Variants in SYCP1 observed in about 807,000 individuals in gnomAD.
SYCP1 encodes the protein cancer/testis antigen 8.
SYCP1 carries 64 observed loss-of-function variants against 153.1 expected under a neutral mutation model. That is an observed-to-expected ratio of 0.42 (90% confidence interval 0.34 to 0.51). The LOEUF is 0.51. Ranked by LOEUF, SYCP1 falls within the 20% of genes least tolerant of loss-of-function variation. The pLI is 0.06. For synonymous variants in SYCP1, 384 were observed against 341.8 expected (o/e 1.12, Z -1.36); for missense variants, 997 against 1,049.0 (o/e 0.95, Z 0.68).
intron 8 of SYCP1, among the ~76,000 whole-genome samples, chr1:114,865,291 T>C (rs1262617575): frequency 1.3e-5 from 2 of 152,184 alleles, no homozygotes; most frequent in Non-Finnish European, 2.9e-5. Context: ...TAATTAATAA[T>C]TTGAGACTTA....
At chr1:114,935,992 A>T (rs1240273001) in intron 23 of SYCP1, among the ~76,000 whole-genome samples, 1 of 152,202 alleles carries the variant, frequency 6.6e-6, no homozygotes, top group Non-Finnish European at 1.5e-5. Context: ...AGCTGGTACC[A>T]TTCCTTCTGA....
rs201359159 is a variant in SYCP1, at chr1:114,913,072, T to A, written c.1569T>A (p.Leu523=). ...NTELTSHCNK[L]SLENKELTQE... ...AATTAACTTCACACTGCAACAAGCT[T>A]TCACTAGAAAACAAAGAGCTCACAC... The change falls in exon 19 of 32, where the codon CTT becomes CTA. Residue 523 remains leucine (L), a synonymous_variant. Coordinates refer to ENST00000369522, the MANE Select transcript of SYCP1 (RefSeq NM_003176.4). 43 of 1,612,296 alleles carry A rather than the reference T, an allele frequency of 2.7e-5. No individual in the cohort carries two copies. The highest frequency in any genetic ancestry group is 2.5e-6 in the Non-Finnish European group (3 of 1,178,958).
chr1:114,855,253 C>T, intron 1 of SYCP1, 188 bp from the exon 2 acceptor site: 1 of 316,294 alleles, frequency 3.2e-6, no homozygotes, highest in East Asian at 5.5e-5. Flanking sequence ...GAGAAGGAAA[C>T]GAGGGTTTAT....
In SYCP1 at chr1:114,872,006, C is replaced by CTT. The variant is rs71582510; in HGVS notation, c.599-2486_599-2485dup. On this transcript the variant is annotated intron_variant, in intron 8 of 31. Coordinates refer to ENST00000369522, the MANE Select transcript of SYCP1 (RefSeq NM_003176.4). ...GATGCTCTTTTTTTTCTTTCTTTTTCTTTTTTTTTTTTTTTGGCAGAGATG... is the reference window on the plus strand; with the variant it reads ...GATGCTCTTTTTTTTCTTTCTTTTTCTTTTTTTTTTTTTTTTTGGCAGAGATG... Among the ~76,000 whole-genome samples the CTT allele has an allele frequency of 8.3e-4, 106 of 127,160 alleles. 1 individual carries two copies. Among genetic ancestry groups the CTT allele is most frequent in the Non-Finnish European group, 1.4e-3 (87 of 60,504 alleles). 83.4% of individuals were successfully genotyped at this position (127,160 alleles called of 152,430 possible).
At chr1:114,906,837 G>C (rs530639027) in intron 16 of SYCP1, among the ~76,000 whole-genome samples, 3 of 152,132 alleles carry the variant, frequency 2.0e-5, no homozygotes, top group Non-Finnish European at 4.4e-5. Context: ...TTCTGTAATT[G>C]TCAATTAGGC....
At chr1:114,981,595 C>T (rs12026343) in intron 29 of SYCP1, 83 bp downstream of exon 29, 554,177 of 1,225,740 alleles carry the variant, frequency 0.45, 128,253 homozygotes, top group Middle Eastern at 0.48. Context: ...TCTGGCATCA[C>T]GCACACATAT....
intron 30 of SYCP1, among the ~76,000 whole-genome samples, chr1:114,992,296 T>C (rs1043854910): frequency 4.0e-5 from 6 of 151,524 alleles, no homozygotes; most frequent in Admixed American, 2.0e-4. Flanking sequence ...ATGGAAAAAA[T>C]ACTCAAATTA....
At chr1:114,926,725 C>T (rs1241282975) in intron 23 of SYCP1, among the ~76,000 whole-genome samples, 162 bp downstream of exon 23, 1 of 151,946 alleles carries the variant, frequency 6.6e-6, no homozygotes, top group Non-Finnish European at 1.5e-5. Context: ...GAGATCAACT[C>T]TTTTAGTTGT....
At chr1:114,962,182 G>T (rs549444894) in intron 27 of SYCP1, among the ~76,000 whole-genome samples, 2 of 151,612 alleles carry the variant, frequency 1.3e-5, no homozygotes, top group African/African-American at 2.4e-5. Context: ...ACAGGGTTTC[G>T]CTGTGTTGGC....
At chr1:114,886,429 G>C in intron 14 of SYCP1, 120 bp downstream of exon 14, 1 of 826,758 alleles carries the variant, frequency 1.2e-6, no homozygotes, top group Non-Finnish European at 1.7e-6. Flanking sequence ...AACAACTGTA[G>C]TCAGGTCTCA....
intron 30 of SYCP1, among the ~76,000 whole-genome samples, chr1:114,992,949 A>C (rs1197807037): frequency 1.3e-5 from 2 of 151,476 alleles, no homozygotes; most frequent in African/African-American, 4.8e-5. Context: ...AAAAAGTCCC[A>C]ATTGAAAAGT....
At chr1:114,910,599 A>G in intron 17 of SYCP1, 98 bp downstream of exon 17, 1 of 758,878 alleles carries the variant, frequency 1.3e-6, no homozygotes, top group South Asian at 2.9e-5. Flanking sequence ...AGATTTCTTC[A>G]CAAAATTCCT....
Position 114,877,803 on chromosome 1 carries a change from A to G in SYCP1, c.802-291A>G, listed in dbSNP as rs112372811. On this transcript the variant is annotated intron_variant, in intron 11 of 31. Transcript: ENST00000369522. Reference sequence around the variant, plus strand: ...TAGCAAAGACAGACTGAATCTTACCATTATGTATGTTGACTTTTCCATTAT... The same window carrying G: ...TAGCAAAGACAGACTGAATCTTACCGTTATGTATGTTGACTTTTCCATTAT... Among the ~76,000 whole-genome samples, 472 of 152,306 alleles carry G rather than the reference A, an allele frequency of 3.1e-3. 1 individual carries two copies. The highest frequency in any genetic ancestry group is 5.9e-3 in the Non-Finnish European group (398 of 68,020).
At chr1:114,909,710 A>G (rs1668058483) in intron 16 of SYCP1, among the ~76,000 whole-genome samples, 1 of 152,166 alleles carries the variant, frequency 6.6e-6, no homozygotes, top group Admixed American at 6.6e-5. Context: ...TAAAGAATGA[A>G]AATATATTTT....
intron 21 of SYCP1, among the ~76,000 whole-genome samples, chr1:114,924,787 TG>T (rs1332771410): frequency 6.6e-6 from 1 of 151,534 alleles, no homozygotes; most frequent in Non-Finnish European, 1.5e-5. Flanking sequence ...GAGATGAAGG[TG>T]GGGAAAAATG....
At chr1:114,976,934 C>A (rs1466023492) in intron 27 of SYCP1, among the ~76,000 whole-genome samples, 2 of 151,646 alleles carry the variant, frequency 1.3e-5, no homozygotes, top group Non-Finnish European at 3.0e-5. Flanking sequence ...CTCTAATACT[C>A]CCTGGAGTTG....
At chr1:114,970,511 G>GT (rs566449119) in intron 27 of SYCP1, among the ~76,000 whole-genome samples, 11,417 of 142,836 alleles carry the variant, frequency 0.08, 433 homozygotes, top group Middle Eastern at 0.14. Context: ...TACCAGAATT[G>GT]TTTTTTTTTT....
Position 114,944,455 on chromosome 1 carries a change from G to A in SYCP1, c.2043G>A (p.Glu681=), listed in dbSNP as rs772363056. 7 of 1,558,968 alleles carry A rather than the reference G, an allele frequency of 4.5e-6. No homozygotes were observed. The highest frequency in any genetic ancestry group is 1.2e-5 in the South Asian group (1 of 85,772). The change falls in exon 24 of 32, where the codon GAG becomes GAA. Residue 681 remains glutamate (E), a splice_region_variant and synonymous_variant. Transcript: ENST00000369522. ...KKISEENLLE[E]VEKAKVIADE... ...TATCAGAAGAAAATCTTTTGGAAGA[G>A]GTGGGAAAAACTTAATGTATTAAGA...
At chr1:114,948,446 A>G (rs1423665392) in intron 27 of SYCP1, among the ~76,000 whole-genome samples, 3 of 152,248 alleles carry the variant, frequency 2.0e-5, no homozygotes, top group East Asian at 3.9e-4. Context: ...TCTCTTAATC[A>G]CTCTGCAACA....
Sources: allele counts gnomAD v4.1 joint callset (sites outside exome capture counted in the v4.1 genomes callset), GRCh38; gene constraint gnomAD v4.1.1; transcripts MANE v1.5; gene names NCBI Gene and HGNC (gene_info 2026-07-23, HGNC 2026-07-21).